Variants in CLVS1 observed in about 807,000 individuals in gnomAD.
CLVS1 encodes the protein clavesin 1.
A neutral mutation model predicts 33.1 loss-of-function variants in CLVS1; 10 were observed. That is an observed-to-expected ratio of 0.30 (90% CI 0.19 to 0.51). The LOEUF (loss-of-function observed/expected upper bound fraction) is 0.51. CLVS1 is among the 20% of genes least tolerant of loss of function. The probability of loss-of-function intolerance (pLI) is 0.97; values close to 1 mark genes in which losing one functional copy is unlikely to be tolerated. For missense variants in CLVS1, 343 were observed against 433.4 expected (o/e 0.79, Z 1.85); for synonymous variants, 163 against 166.1 (o/e 0.98, Z 0.14).
At chr8:61,108,066 G>A (rs1805568671) in intron 1 of CLVS1, among the ~76,000 whole-genome samples, 1 of 151,792 alleles carries the variant, frequency 6.6e-6, no homozygotes, top group South Asian at 2.1e-4. Context: ...CCAGGAGTTC[G>A]AGACCAGCCT....
At chr8:61,467,732 T>C (rs1817599208) in intron 5 of CLVS1, among the ~76,000 whole-genome samples, 1 of 152,234 alleles carries the variant, frequency 6.6e-6, no homozygotes, top group Admixed American at 6.5e-5. Context: ...TGAGCTTGAA[T>C]GGGTTCATCT....
the CLVS1 span, among the ~76,000 whole-genome samples, chr8:61,011,212 G>A: frequency 2.0e-5 from 3 of 152,192 alleles, no homozygotes; most frequent in East Asian, 5.8e-4. Context: ...GCTGCAGTGA[G>A]CTATGATTGT....
intron 3 of CLVS1, among the ~76,000 whole-genome samples, chr8:61,443,372 T>C (rs531157955): frequency 4.6e-5 from 7 of 152,338 alleles, no homozygotes; most frequent in African/African-American, 1.7e-4. Context: ...ATGGTTTTAT[T>C]GCATTTAAAT....
chr8:61,063,462 A>G (rs574356913), intron 1 of CLVS1, among the ~76,000 whole-genome samples: 7 of 152,320 alleles, frequency 4.6e-5, no homozygotes, highest in African/African-American at 1.7e-4. Flanking sequence ...GTGCACGTCA[A>G]GCGCAGAGAC....
intron 2 of CLVS1, among the ~76,000 whole-genome samples, chr8:61,172,497 A>C (rs1229054099): frequency 6.6e-6 from 1 of 152,190 alleles, no homozygotes; most frequent in Non-Finnish European, 1.5e-5. Context: ...GTATTATTTT[A>C]AAAGTAGAAA....
At chr8:61,436,902 G>A (rs148749463) in intron 3 of CLVS1, among the ~76,000 whole-genome samples, 69 of 152,250 alleles carry the variant, frequency 4.5e-4, no homozygotes, top group African/African-American at 1.4e-3. Context: ...AAGCACAGGG[G>A]CCATATAAAA....
At chr8:61,173,616 C>A (rs1807053362) in intron 2 of CLVS1, among the ~76,000 whole-genome samples, 1 of 152,074 alleles carries the variant, frequency 6.6e-6, no homozygotes. Context: ...AAAGATCATT[C>A]AGGGGAAGGA....
At chr8:61,471,546 G>A (rs1049044935) in intron 5 of CLVS1, among the ~76,000 whole-genome samples, 3 of 152,102 alleles carry the variant, frequency 2.0e-5, no homozygotes, top group Non-Finnish European at 2.9e-5. Flanking sequence ...TTTTGCATAG[G>A]GTCAATACAA....
At chr8:61,158,041 C>T (rs1353367922) in intron 2 of CLVS1, among the ~76,000 whole-genome samples, 1 of 152,198 alleles carries the variant, frequency 6.6e-6, no homozygotes, top group Non-Finnish European at 1.5e-5. Context: ...TTATTATACA[C>T]AGTAGCCCCA....
chr8:61,227,053 G>C (rs1808347932), intron 2 of CLVS1, among the ~76,000 whole-genome samples: 1 of 150,674 alleles, frequency 6.6e-6, no homozygotes, highest in Non-Finnish European at 1.5e-5. Flanking sequence ...TTATATCGAG[G>C]GCTGATTCTA....
the CLVS1 span, among the ~76,000 whole-genome samples, chr8:60,969,216 A>G: frequency 1.3e-5 from 2 of 152,186 alleles, no homozygotes; most frequent in Admixed American, 1.3e-4. Flanking sequence ...AGCTGTAGTT[A>G]TGGCTGTGGA....
In CLVS1 at chr8:61,426,566, A is replaced by G. The variant is rs145969061; in HGVS notation, c.631-27575A>G. On this transcript the variant is annotated intron_variant, in intron 3 of 5. Transcript: ENST00000325897. ...TGAATCACCTTTTCTCCTGACCCCC[A>G]TTTTCTGACAGTATTCAGTGGAGGA... 4.0e-3 allele frequency among the ~76,000 whole-genome samples: 612 copies of G among 152,092 alleles called. 3 individuals are homozygous for G. The highest frequency in any genetic ancestry group is 0.014 in the African/African-American group (568 of 41,474).
At chr8:61,318,005 T>C (rs2129595986) in intron 2 of CLVS1, among the ~76,000 whole-genome samples, 2 of 152,320 alleles carry the variant, frequency 1.3e-5, no homozygotes, top group Admixed American at 1.3e-4. Flanking sequence ...TTTCCCTTCC[T>C]ACTGAAGTAA....
chr8:60,968,101 T>C, the CLVS1 span, among the ~76,000 whole-genome samples: 3 of 152,150 alleles, frequency 2.0e-5, no homozygotes, highest in Non-Finnish European at 4.4e-5. Context: ...TGGCGAATTG[T>C]TACGTATTTT....
At chr8:61,262,940 C>T (rs1177889586) in intron 2 of CLVS1, among the ~76,000 whole-genome samples, 1 of 152,198 alleles carries the variant, frequency 6.6e-6, no homozygotes, top group African/African-American at 2.4e-5. Flanking sequence ...TTGGGGGAAG[C>T]TGCCCGTGAT....
the CLVS1 span, among the ~76,000 whole-genome samples, chr8:60,994,496 G>A: frequency 3.3e-5 from 5 of 152,314 alleles, no homozygotes; most frequent in South Asian, 6.2e-4. Context: ...AAGCAAACCT[G>A]TGGTCTGTGA....
intron 2 of CLVS1, among the ~76,000 whole-genome samples, chr8:61,357,568 C>A (rs539599340): frequency 8.2e-6 from 1 of 121,910 alleles, no homozygotes; most frequent in African/African-American, 3.2e-5. Flanking sequence ...AGCAATGGTG[C>A]GATCTCGGCT....
At chr8:61,096,309 G>A (rs1805349629) in intron 1 of CLVS1, among the ~76,000 whole-genome samples, 1 of 152,198 alleles carries the variant, frequency 6.6e-6, no homozygotes, top group African/African-American at 2.4e-5. Context: ...GCGCAAGGGC[G>A]ACTGCATCCT....
chr8:61,070,741 G>C (rs1438890398), intron 1 of CLVS1, among the ~76,000 whole-genome samples: 1 of 152,236 alleles, frequency 6.6e-6, no homozygotes. Flanking sequence ...TCAGGAGGCT[G>C]AGGTGGGAGG....
Sources: gnomAD v4.1 joint callset for allele counts (sites outside exome capture counted in the v4.1 genomes callset) on GRCh38, gnomAD v4.1.1 for gene constraint, MANE v1.5 for transcripts, NCBI Gene and HGNC (gene_info 2026-07-23, HGNC 2026-07-21) for gene names.